Variants in EYA1 observed in about 807,000 individuals in gnomAD.
EYA1 encodes protein phosphatase EYA1.
A neutral mutation model predicts 82.0 loss-of-function variants in EYA1; 16 were observed. The ratio of observed to expected loss-of-function variants is 0.20; its 90% CI spans 0.13 to 0.30. The LOEUF (loss-of-function observed/expected upper bound fraction) is 0.30, where lower values mean the gene tolerates loss of function less well. Among genes scored for constraint, EYA1 ranks in the 10% least tolerant of loss-of-function variants. The pLI, the probability that EYA1 is intolerant of heterozygous loss-of-function variation, is 1.00. For missense variants in EYA1, 633 were observed against 730.7 expected (o/e 0.87, Z 1.54); for synonymous variants, 261 against 264.4 (o/e 0.99, Z 0.12).
intron 17 of EYA1, among the ~76,000 whole-genome samples, chr8:71,207,425 G>A (rs1412103953): frequency 6.6e-6 from 1 of 152,164 alleles, no homozygotes; most frequent in Non-Finnish European, 1.5e-5. Flanking sequence ...TGAATCTTTT[G>A]CAAGATTATT....
At chr8:71,529,657 G>C (rs545940393) in intron 2 of EYA1, 2 of 152,366 alleles carry the variant, frequency 1.3e-5, no homozygotes, top group Admixed American at 1.3e-4. Flanking sequence ...TCAGGCACAG[G>C]ATCATGATGC....
intron 9 of EYA1, among the ~76,000 whole-genome samples, chr8:71,274,928 G>C (rs939188514): frequency 4.6e-5 from 7 of 151,772 alleles, no homozygotes; most frequent in African/African-American, 1.7e-4. Flanking sequence ...GAGAGAATGA[G>C]AGCGAGTGAA....
chr8:71,398,971 T>G (rs960735948), intron 2 of EYA1, among the ~76,000 whole-genome samples: 4 of 152,220 alleles, frequency 2.6e-5, no homozygotes, highest in Admixed American at 6.5e-5. Flanking sequence ...CCGCTTTGTT[T>G]ACCTACTCAA....
At chr8:71,237,832 A>G (rs192651527) in intron 12 of EYA1, among the ~76,000 whole-genome samples, 17 of 152,348 alleles carry the variant, frequency 1.1e-4, no homozygotes, top group African/African-American at 3.8e-4. Context: ...GTTTTTAAAA[A>G]TTAACTTTTT....
chr8:71,489,451 T>G (rs1810827132), intron 2 of EYA1, among the ~76,000 whole-genome samples: 1 of 152,234 alleles, frequency 6.6e-6, no homozygotes, highest in Non-Finnish European at 1.5e-5. Flanking sequence ...AATACAGAGA[T>G]GCATCATAAT....
chr8:71,312,598 T>C (rs1298165390), intron 7 of EYA1, among the ~76,000 whole-genome samples: 1 of 152,132 alleles, frequency 6.6e-6, no homozygotes, highest in Non-Finnish European at 1.5e-5. Flanking sequence ...ACATTACACC[T>C]GGCTAATTTT....
At chr8:71,388,825 T>C (rs1319217769) in intron 2 of EYA1, among the ~76,000 whole-genome samples, 2 of 152,058 alleles carry the variant, frequency 1.3e-5, no homozygotes, top group African/African-American at 2.4e-5. Flanking sequence ...TGAAAATGAA[T>C]TGAATTAGAC....
chr8:71,343,464 G>A (rs1825374406), intron 3 of EYA1, among the ~76,000 whole-genome samples: 1 of 152,120 alleles, frequency 6.6e-6, no homozygotes, highest in African/African-American at 2.4e-5. Flanking sequence ...TGGGTTCATG[G>A]ATTAATGGTT....
At chr8:71,392,926 G>C (rs1032472292) in intron 2 of EYA1, among the ~76,000 whole-genome samples, 1 of 151,778 alleles carries the variant, frequency 6.6e-6, no homozygotes, top group Non-Finnish European at 1.5e-5. Context: ...AATTTACCTA[G>C]GGCTCTCTAG....
chr8:71,344,496 T>C (rs1429430840), intron 3 of EYA1, among the ~76,000 whole-genome samples: 1 of 152,248 alleles, frequency 6.6e-6, no homozygotes, highest in African/African-American at 2.4e-5. Context: ...GAGATATTTA[T>C]TATTATTGTG....
intron 4 of EYA1, among the ~76,000 whole-genome samples, chr8:71,326,764 C>T (rs77903775): frequency 3.3e-5 from 5 of 152,110 alleles, no homozygotes; most frequent in Admixed American, 1.3e-4. Context: ...CTTGGTGGCT[C>T]TTCTAGGAAG....
chr8:71,465,545 C>T (rs1808710658), intron 2 of EYA1, among the ~76,000 whole-genome samples: 1 of 152,114 alleles, frequency 6.6e-6, no homozygotes, highest in Admixed American at 6.5e-5. Context: ...ATCTCTTGAA[C>T]CTGGGAGGCA....
At chr8:71,226,368 T>C (rs940411721) in intron 12 of EYA1, among the ~76,000 whole-genome samples, 2 of 151,964 alleles carry the variant, frequency 1.3e-5, no homozygotes, top group African/African-American at 4.8e-5. Context: ...TTAATAAATA[T>C]GATATGTCAG....
intron 3 of EYA1, among the ~76,000 whole-genome samples, chr8:71,340,632 T>C (rs1010126732): frequency 2.0e-5 from 3 of 152,150 alleles, no homozygotes; most frequent in Admixed American, 2.0e-4. Flanking sequence ...GGTTTCTTAT[T>C]CCTTGAACTA....
At chr8:71,423,280 A>G (rs1209221822) in intron 2 of EYA1, among the ~76,000 whole-genome samples, 13 of 152,214 alleles carry the variant, frequency 8.5e-5, no homozygotes, top group Admixed American at 8.5e-4. Context: ...TGGAAACAGC[A>G]TACTGTTTTA....
intron 2 of EYA1, among the ~76,000 whole-genome samples, chr8:71,523,056 T>G (rs1813522063): frequency 6.6e-6 from 1 of 152,224 alleles, no homozygotes; most frequent in South Asian, 2.1e-4. Flanking sequence ...TACAAGTGCC[T>G]TTAGAATTTA....
At chr8:71,368,659 G>A (rs367607093) in intron 2 of EYA1, among the ~76,000 whole-genome samples, 8 of 152,156 alleles carry the variant, frequency 5.3e-5, no homozygotes, top group South Asian at 4.2e-4. Context: ...TTGCAGTATC[G>A]TCACAGTATA....
At chr8:71,458,690 A>G (rs1376273369) in intron 2 of EYA1, among the ~76,000 whole-genome samples, 18 of 152,198 alleles carry the variant, frequency 1.2e-4, no homozygotes, top group Non-Finnish European at 2.4e-4. Flanking sequence ...AGCTTAAGCA[A>G]CTATATTGAA....
At chr8:71,265,150 G>A (rs1333787139) in intron 11 of EYA1, among the ~76,000 whole-genome samples, 2 of 147,940 alleles carry the variant, frequency 1.4e-5, no homozygotes, top group Non-Finnish European at 3.0e-5. Flanking sequence ...AGGAATTCAA[G>A]TTTTTGTTTT....
Sources: gnomAD v4.1 joint callset for allele counts (sites outside exome capture counted in the v4.1 genomes callset) on GRCh38, gnomAD v4.1.1 for gene constraint, MANE v1.5 for transcripts, NCBI Gene and HGNC (gene_info 2026-07-23, HGNC 2026-07-21) for gene names.